Variants in TEAD2 observed in about 807,000 individuals in gnomAD.
TEAD2 encodes the protein transcriptional enhancer factor TEF-4.
In TEAD2, 51 loss-of-function variants were observed where a neutral mutation model predicts 61.4. The observed-to-expected ratio is 0.83, with a 90% confidence interval of 0.66 to 1.05. The LOEUF (loss-of-function observed/expected upper bound fraction) is 1.05, where lower values mean the gene tolerates loss of function less well. TEAD2 is among the 50% of genes least tolerant of loss of function. The pLI is 0.00. For synonymous variants in TEAD2, 244 were observed against 243.2 expected (o/e 1.00, Z -0.03); for missense variants, 509 against 600.0 (o/e 0.85, Z 1.58).
At chr19:49,344,139 G>A (rs748192490) in intron 10 of TEAD2, among the ~76,000 whole-genome samples, 1 of 151,992 alleles carries the variant, frequency 6.6e-6, no homozygotes, top group Admixed American at 6.6e-5. Context: ...GAGCCACCGC[G>A]TCAGGCTTTC....
chr19:49,356,750 C>T (rs1343948651), intron 4 of TEAD2, among the ~76,000 whole-genome samples: 4 of 152,082 alleles, frequency 2.6e-5, no homozygotes, highest in Non-Finnish European at 5.9e-5. Flanking sequence ...ACCGACGGCC[C>T]ATCCTTCCTG....
chr19:49,355,775 G>A (rs894510714), intron 5 of TEAD2, among the ~76,000 whole-genome samples, 184 bp downstream of exon 5: 2 of 151,062 alleles, frequency 1.3e-5, no homozygotes, highest in African/African-American at 4.9e-5. Flanking sequence ...TGCAGTGAGT[G>A]GAGATCGTGC....
chr19:49,360,624 G>T (rs957384891), intron 1 of TEAD2, among the ~76,000 whole-genome samples: 1 of 151,912 alleles, frequency 6.6e-6, no homozygotes, highest in Non-Finnish European at 1.5e-5. Context: ...GAAGGAAGGT[G>T]TGGGTGAAAC....
At chr19:49,345,769 T>G (rs1361901799) in intron 10 of TEAD2, among the ~76,000 whole-genome samples, 1 of 152,076 alleles carries the variant, frequency 6.6e-6, no homozygotes, top group Non-Finnish European at 1.5e-5. Context: ...TGGCTCACAC[T>G]TGTAATCCCA....
intron 8 of TEAD2, 92 bp from the exon 9 acceptor site, chr19:49,348,937 T>A: frequency 7.1e-7 from 1 of 1,412,124 alleles, no homozygotes; most frequent in Non-Finnish European, 9.2e-7. Context: ...ACTTAGAAGC[T>A]GAAAAAGCTA....
intron 8 of TEAD2, among the ~76,000 whole-genome samples, chr19:49,349,820 G>A (rs1971896169): frequency 6.6e-6 from 1 of 152,096 alleles, no homozygotes. Flanking sequence ...TTCCTTTACA[G>A]CAATGCAAAT....
intron 4 of TEAD2, 92 bp from the exon 5 acceptor site, chr19:49,356,062 CG>C: frequency 9.6e-7 from 1 of 1,038,192 alleles, no homozygotes; most frequent in Non-Finnish European, 1.2e-6. Flanking sequence ...CTGCCCTACC[CG>C]CCCGCACAGC....
rs1217341478 is a variant in TEAD2 at position 49,360,000 on chromosome 19, C to G, written c.76G>C (p.Gly26Arg). The G allele has an allele frequency of 6.2e-7, 1 of 1,609,628 alleles. No homozygotes were observed. Among genetic ancestry groups the G allele is most frequent in the Admixed American group, 1.7e-5 (1 of 60,028 alleles). ...WTGSEEGSEEGTGGSEGAGGD... is the reference protein window; with the variant it reads ...WTGSEEGSEERTGGSEGAGGD... The stretch of plus-strand genomic sequence containing the variant: ...CCAGCCCCCTCACTGCCGCCGGTAC[C>G]CTCCTCACTGCCTTCCTCACTGCCC... The change falls in exon 2 of 13, where the codon GGT (glycine) becomes CGT (arginine). Residue 26 changes from glycine to arginine, a missense_variant. Gly to Arg is a moderately radical substitution (Grantham distance 125). Coordinates refer to ENST00000593945, the MANE Select transcript of TEAD2 (RefSeq NM_001256660.2). This position sits in a 1 kb window ranked among gnomAD's most constrained non-coding sequence, Gnocchi z 4.1.
chr19:49,346,405 C>T (rs1358246742), intron 10 of TEAD2, among the ~76,000 whole-genome samples: 1 of 151,914 alleles, frequency 6.6e-6, no homozygotes, highest in African/African-American at 2.4e-5. Flanking sequence ...ACCTGTAATC[C>T]CAGCACTTTG....
chr19:49,346,578 A>G (rs1971655804), intron 10 of TEAD2, among the ~76,000 whole-genome samples: 1 of 152,136 alleles, frequency 6.6e-6, no homozygotes, highest in Non-Finnish European at 1.5e-5. Context: ...AATCGCTTGA[A>G]TCCAGGAGGC....
intron 7 of TEAD2, among the ~76,000 whole-genome samples, chr19:49,353,002 G>T (rs746127111): frequency 3.3e-5 from 5 of 152,110 alleles, no homozygotes; most frequent in Non-Finnish European, 7.3e-5. Context: ...ACAAATACTG[G>T]ACTGGCCTCC....
At chr19:49,360,452 T>C (rs12104362) in intron 1 of TEAD2, 142,887 of 270,802 alleles carry the variant, frequency 0.53, 38,426 homozygotes, top group African/African-American at 0.62. Flanking sequence ...CTGGATTTCT[T>C]GGAAAGCTGA....
At chr19:49,346,990 G>C (rs756304772) in intron 10 of TEAD2, among the ~76,000 whole-genome samples, 200 bp downstream of exon 10, 1 of 152,168 alleles carries the variant, frequency 6.6e-6, no homozygotes, top group African/African-American at 2.4e-5. Flanking sequence ...GGGAGGCCCA[G>C]ACACCTCCAA....
rs1052340692 is a variant in TEAD2, at chr19:49,340,952, C to T, written c.*372G>A. 3 of 212,420 alleles carry T rather than the reference C, an allele frequency of 1.4e-5. No individual in the cohort carries two copies. The highest frequency in any genetic ancestry group is 1.2e-4 in the East Asian group (1 of 8,402). 13.2% of individuals were successfully genotyped at this position (212,420 alleles called of 1,614,324 possible). On this transcript the variant is annotated 3_prime_UTR_variant, in exon 13 of 13. Transcript: ENST00000593945. ...AGGGGACAAGCCAATGTGTAACTAGCGCTCTCCAAGACATGCAGAGGAGTG... is the reference window on the plus strand; with the variant it reads ...AGGGGACAAGCCAATGTGTAACTAGTGCTCTCCAAGACATGCAGAGGAGTG...
intron 3 of TEAD2, chr19:49,357,530 C>G (rs1972489584): frequency 3.3e-6 from 2 of 598,088 alleles, no homozygotes. Flanking sequence ...CCATCCAGGC[C>G]TCCTTCCCCT....
At chr19:49,358,509 TCC>T (rs1972555117) in intron 3 of TEAD2, among the ~76,000 whole-genome samples, 1 of 152,064 alleles carries the variant, frequency 6.6e-6, no homozygotes, top group Non-Finnish European at 1.5e-5. Flanking sequence ...CCAGGCCTGC[TCC>T]CACTACCCCC....
chr19:49,360,234 T>C (rs1292187511), intron 1 of TEAD2, 153 bp from the exon 2 acceptor site: 4 of 633,092 alleles, frequency 6.3e-6, no homozygotes, highest in African/African-American at 1.9e-5. Context: ...CTGGGGGGTA[T>C]TCCTGGGTCT....
intron 8 of TEAD2, among the ~76,000 whole-genome samples, chr19:49,349,258 T>C (rs2146405700): frequency 6.6e-6 from 1 of 152,228 alleles, no homozygotes; most frequent in Admixed American, 6.5e-5. Context: ...GGTCAGGAGA[T>C]TGAGACCGTC....
rs761984470 is a variant in TEAD2, at chr19:49,355,294, A to G, written c.480+18T>C. The G allele has an allele frequency of 1.1e-5, 18 of 1,614,040 alleles. No individual in the cohort carries two copies. Among genetic ancestry groups the G allele is most frequent in the South Asian group, 8.8e-5 (8 of 91,014 alleles). On this transcript the variant is annotated intron_variant, in intron 6 of 12. Transcript: ENST00000593945. ...TCCCCCTTTGCCCCCACGTCCCACA[A>G]TCCCCAACCTGGACCACCTGAGGAC...
Sources: allele counts gnomAD v4.1 joint callset (sites outside exome capture counted in the v4.1 genomes callset), GRCh38; gene constraint gnomAD v4.1.1; non-coding constraint Gnocchi (gnomAD v3.1); transcripts MANE v1.5; gene names NCBI Gene and HGNC (gene_info 2026-07-23, HGNC 2026-07-21).